The following ZNF264 variants were observed in gnomAD, a reference collection of about 807,000 sequenced individuals.
ZNF264 encodes the protein zinc finger protein 264.
ZNF264 carries 11 observed loss-of-function variants against 11.2 expected under a neutral mutation model. The observed-to-expected ratio is 0.98, with a 90% CI of 0.62 to 1.63. The LOEUF (loss-of-function observed/expected upper bound fraction) is 1.63, where lower values mean the gene tolerates loss of function less well. Ranked by LOEUF, ZNF264 falls within the 40% of genes most tolerant of loss-of-function variation. The pLI is 0.00. For missense variants in ZNF264, 752 were observed against 768.1 expected, an observed-to-expected ratio of 0.98 and a Z score of 0.25; for synonymous variants, 309 against 279.8, an observed-to-expected ratio of 1.10 and a Z score of -1.04.
chr19:57,205,748 G>A (rs186020182), intron 3 of ZNF264, among the ~76,000 whole-genome samples: 175 of 152,300 alleles, frequency 1.1e-3, no homozygotes, highest in African/African-American at 3.1e-3. Flanking sequence ...ATGTGTTCAG[G>A]GGTTCCAACT....
At chr19:57,193,726 C>A (rs1286832037) in intron 1 of ZNF264, 149 bp from the exon 2 acceptor site, 2 of 1,190,536 alleles carry the variant, frequency 1.7e-6, no homozygotes, top group Non-Finnish European at 2.3e-6. Flanking sequence ...CATCTATCTT[C>A]CCTCTTGAGC....
rs1462389222 is a variant in ZNF264, at chr19:57,221,078, T to G, written c.*8097T>G. On this transcript the variant is annotated 3_prime_UTR_variant, in exon 4 of 4. Transcript: ENST00000263095. ...TTTGTTTGTTTGTTTTGAGATGGAG[T>G]CTCACTCTGTCACCCATGCTGGTGT... The G allele has an allele frequency of 4.0e-5, 6 of 151,860 alleles. No individual in the cohort carries two copies. The highest frequency in any genetic ancestry group is 1.5e-4 in the African/African-American group (6 of 41,246). The allele number at this position is 151,860 out of a possible 1,614,324, so 9.4% of individuals were successfully genotyped here.
chr19:57,192,027 C>T (rs2087177195), intron 1 of ZNF264, 81 bp downstream of exon 1: 4 of 1,310,114 alleles, frequency 3.1e-6, no homozygotes, highest in East Asian at 2.9e-5. Flanking sequence ...GCCCAGGTAT[C>T]CCCTGGATTT....
chr19:57,212,638 T>A lies in ZNF264; in HGVS notation c.1541T>A (p.Val514Asp). 1 of 1,613,768 alleles carries A rather than the reference T, an allele frequency of 6.2e-7. No homozygotes were observed. The highest frequency in any genetic ancestry group is 8.5e-7 in the Non-Finnish European group (1 of 1,179,950). ...AGTGGAGAGAAGCCCTATGAATGTGTTGAGTGTGGGAAATCGTTTTGCTGG... is the reference window on the plus strand; with the variant it reads ...AGTGGAGAGAAGCCCTATGAATGTGATGAGTGTGGGAAATCGTTTTGCTGG... ...IHSGEKPYEC[V>D]ECGKSFCWST... The change falls in exon 4 of 4, where the codon GTT becomes GAT. Residue 514 changes from valine to aspartate, a missense_variant. By Grantham distance (152) the Val-to-Asp change is radical. Coordinates refer to ENST00000263095, the MANE Select transcript of ZNF264 (RefSeq NM_003417.5).
intron 2 of ZNF264, 91 bp downstream of exon 2, chr19:57,194,092 C>T (rs1302349202): frequency 1.3e-6 from 2 of 1,500,742 alleles, no homozygotes; most frequent in Non-Finnish European, 1.8e-6. Flanking sequence ...ACAAGAAGGC[C>T]TCTAGAATCT....
intron 3 of ZNF264, among the ~76,000 whole-genome samples, chr19:57,210,848 C>G (rs1167637785): frequency 2.6e-5 from 4 of 152,174 alleles, no homozygotes; most frequent in African/African-American, 9.7e-5. Flanking sequence ...CAGATAGGGC[C>G]ATTGGGTCCC....
intron 2 of ZNF264, among the ~76,000 whole-genome samples, chr19:57,202,157 C>T (rs1431274433): frequency 6.6e-6 from 1 of 151,780 alleles, no homozygotes; most frequent in African/African-American, 2.4e-5. Flanking sequence ...CTGCAGTGAG[C>T]CATGATCACA....
Position 57,221,076 on chromosome 19 carries a change from A to C in ZNF264, c.*8095A>C, listed in dbSNP as rs973859874. 2.0e-5 allele frequency: 3 copies of C among 152,072 alleles called. No individual in the cohort carries two copies. The highest frequency in any genetic ancestry group is 7.3e-5 in the African/African-American group (3 of 41,262). The allele number at this position is 152,072 out of a possible 1,614,324, so 9.4% of individuals were successfully genotyped here. On this transcript the variant is annotated 3_prime_UTR_variant, in exon 4 of 4. Coordinates refer to ENST00000263095, the MANE Select transcript of ZNF264 (RefSeq NM_003417.5). ...TTTTTGTTTGTTTGTTTTGAGATGG[A>C]GTCTCACTCTGTCACCCATGCTGGT...
intron 2 of ZNF264, chr19:57,195,103 A>T: frequency 3.0e-6 from 1 of 329,132 alleles, no homozygotes; most frequent in Non-Finnish European, 5.5e-6. Context: ...ATCCCTTGTC[A>T]ACTTGAACCC....
In ZNF264 at chr19:57,213,194, G is replaced by C. The variant is rs1274496640; in HGVS notation, c.*213G>C. ...ATTTTTAAAAGGAGGAGGGGACATA[G>C]AAAAAATGAAATGCAAGCACACATC... On this transcript the variant is annotated 3_prime_UTR_variant, in exon 4 of 4. Coordinates refer to ENST00000263095, the MANE Select transcript of ZNF264 (RefSeq NM_003417.5). 40 of 454,474 alleles carry C rather than the reference G, an allele frequency of 8.8e-5. No individual in the cohort carries two copies. The allele number at this position is 454,474 out of a possible 1,614,324, so 28.2% of individuals were successfully genotyped here. A position where few individuals can be genotyped will look rare whatever the true frequency, so the allele number is the denominator to read the frequency against.
chr19:57,208,552 TAAATAA>T (rs2087310979), intron 3 of ZNF264, among the ~76,000 whole-genome samples: 2 of 151,782 alleles, frequency 1.3e-5, no homozygotes, highest in Admixed American at 1.3e-4. Context: ...AAAAAATAAA[TAAATAA>T]AAATAATTCA....
At chr19:57,196,881 T>C (rs944552213) in intron 2 of ZNF264, among the ~76,000 whole-genome samples, 2 of 151,830 alleles carry the variant, frequency 1.3e-5, no homozygotes, top group African/African-American at 2.4e-5. Flanking sequence ...CATGAATCAG[T>C]ATATAATTAC....
intron 2 of ZNF264, among the ~76,000 whole-genome samples, chr19:57,195,549 G>A (rs2087206078): frequency 6.7e-6 from 1 of 149,436 alleles, no homozygotes; most frequent in Non-Finnish European, 1.5e-5. Context: ...GAAGGGTCTG[G>A]GCCATTTGTA....
chr19:57,200,609 T>G (rs943905251), intron 2 of ZNF264, among the ~76,000 whole-genome samples: 1 of 151,640 alleles, frequency 6.6e-6, no homozygotes, highest in Admixed American at 6.6e-5. Context: ...TCTCTTTTCC[T>G]TTTCTTTCGT....
rs1436833279 is a variant in ZNF264, at chr19:57,215,254, C to T, written c.*2273C>T. The T allele has an allele frequency of 6.6e-6, 1 of 152,096 alleles. No individual in the cohort carries two copies. The highest frequency in any genetic ancestry group is 1.5e-5 in the Non-Finnish European group (1 of 68,020). The allele number at this position is 152,096 out of a possible 1,614,324, so 9.4% of individuals were successfully genotyped here. Reference sequence around the variant, plus strand: ...ATTTTATTGGATAGGTAGAACTATTCGAAGTATCTATTTCTTGTGTAATAA... The same window carrying T: ...ATTTTATTGGATAGGTAGAACTATTTGAAGTATCTATTTCTTGTGTAATAA... On this transcript the variant is annotated 3_prime_UTR_variant, in exon 4 of 4. Transcript: ENST00000263095.
At position 57,204,736 on chromosome 19, in the gene ZNF264, G is replaced by A. The variant is rs537711788; in HGVS notation, c.161-661G>A. ...CAGCACCTGGGAGACCACGCTGTGT[G>A]CAGGGAGCCATTGCAATCCTGTTGC... On this transcript the variant is annotated intron_variant, in intron 2 of 3. Transcript: ENST00000263095. 4.6e-5 allele frequency among the ~76,000 whole-genome samples: 7 copies of A among 152,316 alleles called. No homozygotes were observed. In the East Asian group the frequency reaches 9.6e-4, roughly 21 times the overall value.
chr19:57,212,446 C>T lies in ZNF264; in HGVS notation c.1349C>T (p.Thr450Ile), dbSNP rs1316890782. ...STFILHKRAHTGEKPFECKEC... is the reference protein window; with the variant it reads ...STFILHKRAHIGEKPFECKEC... ...TTTATCTTGCATAAAAGGGCCCACACTGGAGAAAAGCCTTTCGAGTGCAAA... is the reference window on the plus strand; with the variant it reads ...TTTATCTTGCATAAAAGGGCCCACATTGGAGAAAAGCCTTTCGAGTGCAAA... Residue 450 changes from threonine to isoleucine, a missense_variant, in exon 4 of 4, where the codon ACT becomes ATT. Physicochemically the swap from Thr to Ile is moderately conservative, Grantham distance 89 (BLOSUM62 -1). Transcript: ENST00000263095. The T allele has an allele frequency of 1.9e-6, 3 of 1,614,024 alleles. No homozygotes were observed. In the East Asian group the frequency reaches 6.7e-5, roughly 36 times the overall value.
rs950842010 is a variant in ZNF264, at chr19:57,214,051, A to G, written c.*1070A>G. On this transcript the variant is annotated 3_prime_UTR_variant, in exon 4 of 4. Coordinates refer to ENST00000263095, the MANE Select transcript of ZNF264 (RefSeq NM_003417.5). The stretch of plus-strand genomic sequence containing the variant: ...ACACAATTTTTGGTAGTATACAGAA[A>G]TATAATATTTTTGGACATTGTTTTG... 3.9e-5 allele frequency: 6 copies of G among 152,174 alleles called. No individual in the cohort carries two copies. Among genetic ancestry groups the G allele is most frequent in the Non-Finnish European group, 5.9e-5 (4 of 68,036 alleles). 9.4% of individuals were successfully genotyped at this position (152,174 alleles called of 1,614,324 possible).
At position 57,199,831 on chromosome 19, in the gene ZNF264, C is replaced by G. The variant is rs115275980; in HGVS notation, c.161-5566C>G. 4.3e-3 allele frequency among the ~76,000 whole-genome samples: 652 copies of G among 151,806 alleles called. 20 individuals carry two copies. Among genetic ancestry groups the G allele is most frequent in the African/African-American group, 0.015 (626 of 41,162 alleles). The stretch of plus-strand genomic sequence containing the variant: ...CTAGAGGAGAATCGATATTATCTTG[C>G]CTGGCAACTGCCTCAGGGGAGGCCA... On this transcript the variant is annotated intron_variant, in intron 2 of 3. Coordinates refer to ENST00000263095, the MANE Select transcript of ZNF264 (RefSeq NM_003417.5).
Sources: allele counts gnomAD v4.1 joint callset (sites outside exome capture counted in the v4.1 genomes callset), GRCh38; gene constraint gnomAD v4.1.1; transcripts MANE v1.5; gene names NCBI Gene and HGNC (gene_info 2026-07-23, HGNC 2026-07-21).